The following SPAG17 variants were observed in gnomAD, a reference collection of about 807,000 sequenced individuals.
SPAG17 encodes sperm associated antigen 17, also known as sperm-associated antigen 17.
Under a neutral mutation model 273.6 loss-of-function variants are expected in SPAG17, and 169 were observed. That is an observed-to-expected ratio of 0.62 (90% CI 0.55 to 0.70). The LOEUF (loss-of-function observed/expected upper bound fraction) is 0.70, where lower values mean the gene tolerates loss of function less well. SPAG17 is among the 30% of genes least tolerant of loss of function. The pLI is 0.00. For synonymous variants in SPAG17, 825 were observed against 873.2 expected, an observed-to-expected ratio of 0.94 and a Z score of 0.97; for missense variants, 2,557 against 2,627.8, an observed-to-expected ratio of 0.97 and a Z score of 0.59.
chr1:118,078,079 T>C lies in SPAG17; in HGVS notation c.2209+3022A>G, dbSNP rs139258218. Among the ~76,000 whole-genome samples, 1,349 of 152,262 alleles carry C rather than the reference T, an allele frequency of 8.9e-3. 8 individuals carry two copies. The highest frequency in any genetic ancestry group is 0.037 in the Middle Eastern group (11 of 294). On this transcript the variant is annotated intron_variant, in intron 15 of 48. Transcript: ENST00000336338. ...AGTATTAGTTAATGTACTTGAGATA[T>C]AGCAGAGCAATATTAAATAAATGTT...
chr1:117,966,729 G>C lies in SPAG17; in HGVS notation c.6412C>G (p.Leu2138Val). ...GCTGTGGCAAATAACTCTATATTCAGTTCTGTCTGCATACCAGCTGCCACC... is the reference window on the plus strand; with the variant it reads ...GCTGTGGCAAATAACTCTATATTCACTTCTGTCTGCATACCAGCTGCCACC... Reference protein sequence around the residue: ...GPVAAGMQTELNIELFATAVG... With the variant: ...GPVAAGMQTEVNIELFATAVG... Residue 2138 changes from leucine (L) to valine (V), a missense_variant, in exon 47 of 49, where the codon CTG becomes GTG. By Grantham distance (32) the Leu-to-Val change is conservative. Coordinates refer to ENST00000336338, the MANE Select transcript of SPAG17 (RefSeq NM_206996.4). The C allele has an allele frequency of 6.2e-7, 1 of 1,612,902 alleles. No homozygotes were observed.
At chr1:118,033,146 T>C (rs1557934594) in intron 24 of SPAG17, among the ~76,000 whole-genome samples, 2 of 152,138 alleles carry the variant, frequency 1.3e-5, no homozygotes, top group Admixed American at 6.5e-5. Context: ...GGGGCTCCAA[T>C]TGTCATCTAC....
At position 117,982,047 on chromosome 1, in the gene SPAG17, G is replaced by A. The variant is rs1278918214; in HGVS notation, c.5873-646C>T. On this transcript the variant is annotated intron_variant, in intron 42 of 48. Coordinates refer to ENST00000336338, the MANE Select transcript of SPAG17 (RefSeq NM_206996.4). ...GTGCTGACTGCCCAGGCTGCAGGAGGTCTGAGACGCAACCTAATAGCCACC... is the reference window on the plus strand; with the variant it reads ...GTGCTGACTGCCCAGGCTGCAGGAGATCTGAGACGCAACCTAATAGCCACC... 2.0e-5 allele frequency among the ~76,000 whole-genome samples: 3 copies of A among 152,154 alleles called. No individual in the cohort carries two copies. In the East Asian group the frequency reaches 5.8e-4, roughly 29 times the overall value.
chr1:117,955,344 A>G, intron 48 of SPAG17: 1 of 1,612,494 alleles, frequency 6.2e-7, no homozygotes, highest in Non-Finnish European at 8.5e-7. Flanking sequence ...AGATTTTTAA[A>G]GGGATCAAGT....
rs976835200 is a variant in SPAG17, at chr1:117,981,267, T to C, written c.6004+3A>G. On this transcript the variant is annotated splice_donor_region_variant and intron_variant, in intron 43 of 48. Transcript: ENST00000336338. Reference sequence around the variant, plus strand: ...AGCAATAAGATAAAAAAGACTGCCATACCTTCAGGAGATTTTGTTAAATTT... The same window carrying C: ...AGCAATAAGATAAAAAAGACTGCCACACCTTCAGGAGATTTTGTTAAATTT... 1.9e-6 allele frequency: 3 copies of C among 1,559,114 alleles called. No individual in the cohort carries two copies. The highest frequency in any genetic ancestry group is 2.3e-5 in the Admixed American group (1 of 43,128).
chr1:117,963,074 T>C (rs911598940), intron 48 of SPAG17: 2 of 152,148 alleles, frequency 1.3e-5, no homozygotes, highest in African/African-American at 4.8e-5. Flanking sequence ...ATTTCTGAGG[T>C]TTTTGGGATC....
At position 118,020,131 on chromosome 1, in the gene SPAG17, G is replaced by C. The variant is rs572488594; in HGVS notation, c.4069+3173C>G. Among the ~76,000 whole-genome samples the C allele has an allele frequency of 1.2e-3, 176 of 152,218 alleles. 2 individuals are homozygous for C. Among genetic ancestry groups the C allele is most frequent in the African/African-American group, 4.0e-3 (167 of 41,550 alleles). ...AGACATTAGGGTAAAAAGAATCCTA[G>C]AATAAAGAGTCATTGCAGGCCAGGC... On this transcript the variant is annotated intron_variant, in intron 28 of 48. Coordinates refer to ENST00000336338, the MANE Select transcript of SPAG17 (RefSeq NM_206996.4).
intron 1 of SPAG17, among the ~76,000 whole-genome samples, chr1:118,177,486 A>C (rs1397327764): frequency 6.6e-6 from 1 of 152,208 alleles, no homozygotes; most frequent in Non-Finnish European, 1.5e-5. Flanking sequence ...TTAGGGACTC[A>C]GATCCAAACC....
chr1:118,000,510 T>G (rs1236240755), intron 32 of SPAG17, among the ~76,000 whole-genome samples: 2 of 152,232 alleles, frequency 1.3e-5, no homozygotes, highest in African/African-American at 4.8e-5. Flanking sequence ...GAGCAGTGGT[T>G]TGTAGTTCTC....
At position 118,161,801 on chromosome 1, in the gene SPAG17, C is replaced by A. The variant is rs1659936852; in HGVS notation, c.88-10432G>T. Among the ~76,000 whole-genome samples, 4 of 152,196 alleles carry A rather than the reference C, an allele frequency of 2.6e-5. No homozygotes were observed. The South Asian group carries it at 8.3e-4, about 32-fold the overall frequency. On this transcript the variant is annotated intron_variant, in intron 1 of 48. Coordinates refer to ENST00000336338, the MANE Select transcript of SPAG17 (RefSeq NM_206996.4). Reference sequence around the variant, plus strand: ...CTGCCTGCCTCGGCCTCCCAAAGTGCTGGGATTACAGGCGTGAGCCACGGC... The same window carrying A: ...CTGCCTGCCTCGGCCTCCCAAAGTGATGGGATTACAGGCGTGAGCCACGGC...
At chr1:117,965,630 A>T (rs1212913456) in intron 47 of SPAG17, 2 of 151,998 alleles carry the variant, frequency 1.3e-5, no homozygotes, top group East Asian at 3.9e-4. Flanking sequence ...GTCCTCACAC[A>T]TGGCCCATTC....
intron 15 of SPAG17, 129 bp from the exon 16 acceptor site, chr1:118,074,729 T>C (rs1213978485): frequency 2.5e-6 from 2 of 785,646 alleles, no homozygotes; most frequent in Admixed American, 2.4e-5. Context: ...CTGAAAGGCA[T>C]GTTTTGTGCC....
chr1:117,981,911 T>TTG (rs2101592384), intron 42 of SPAG17, among the ~76,000 whole-genome samples: 1 of 152,312 alleles, frequency 6.6e-6, no homozygotes, highest in East Asian at 1.9e-4. Flanking sequence ...ACATTTCAGT[T>TTG]TGTGTGTGTG....
chr1:118,024,869 C>T (rs898361495), intron 27 of SPAG17, among the ~76,000 whole-genome samples: 1 of 152,148 alleles, frequency 6.6e-6, no homozygotes, highest in Non-Finnish European at 1.5e-5. Flanking sequence ...ATCTGATCTG[C>T]ATTTTAAAAG....
intron 3 of SPAG17, among the ~76,000 whole-genome samples, chr1:118,133,041 G>A (rs958504078): frequency 7.2e-5 from 11 of 152,156 alleles, no homozygotes. Context: ...AAAGTGCTGT[G>A]ATTACAGGTG....
At chr1:118,182,050 C>G (rs187822426) in intron 1 of SPAG17, among the ~76,000 whole-genome samples, 2 of 152,006 alleles carry the variant, frequency 1.3e-5, no homozygotes, top group Non-Finnish European at 2.9e-5. Flanking sequence ...TTAGCACACC[C>G]ACAGCCAAGA....
chr1:118,097,878 C>A, intron 6 of SPAG17, 27 bp from the exon 7 acceptor site: 2 of 1,485,948 alleles, frequency 1.3e-6, no homozygotes, highest in Non-Finnish European at 1.8e-6. Flanking sequence ...GTTTATATTA[C>A]CAAATGAGAG....
intron 30 of SPAG17, among the ~76,000 whole-genome samples, 196 bp from the exon 31 acceptor site, chr1:118,008,394 T>C (rs1217964430): frequency 1.3e-5 from 2 of 152,168 alleles, no homozygotes; most frequent in African/African-American, 4.8e-5. Flanking sequence ...TTCATAATAA[T>C]TCTTCCAGAA....
intron 3 of SPAG17, among the ~76,000 whole-genome samples, chr1:118,126,440 C>G (rs1463828494): frequency 6.6e-6 from 1 of 151,676 alleles, no homozygotes; most frequent in East Asian, 1.9e-4. Context: ...GTCTCGATAT[C>G]CTGACCTTGT....
Sources: gnomAD v4.1 joint callset for allele counts (sites outside exome capture counted in the v4.1 genomes callset) on GRCh38, gnomAD v4.1.1 for gene constraint, MANE v1.5 for transcripts, NCBI Gene and HGNC (gene_info 2026-07-23, HGNC 2026-07-21) for gene names.